Variants in SYNC observed in about 807,000 individuals in gnomAD.
SYNC encodes the protein syncoilin, intermediate filament protein.
Under a neutral mutation model 49.5 loss-of-function variants are expected in SYNC, and 38 were observed. The ratio of observed to expected loss-of-function variants is 0.77; its 90% CI spans 0.59 to 1.01. The LOEUF is 1.01. Among genes scored for constraint, SYNC ranks in the 50% least tolerant of loss-of-function variants. The pLI is 0.00. For synonymous variants in SYNC, 201 were observed against 230.8 expected (o/e 0.87, Z 1.17); for missense variants, 579 against 580.6 (o/e 1.00, Z 0.03).
At position 32,695,936 on chromosome 1, in the gene SYNC, GT is replaced by G; in HGVS notation, c.161del (p.Asn54ThrfsTer114). On this transcript the variant is annotated frameshift_variant, in exon 2 of 5. Coordinates refer to ENST00000409190, the MANE Select transcript of SYNC (RefSeq NM_030786.3). LOFTEE classifies it high-confidence loss of function. Reference protein sequence around the residue: ...EVTLSSEGSLNLEDILYLEDT... With the variant: ...EVTLSSEGSLXLEDILYLEDT... Reference sequence around the variant, plus strand: ...CCTCCAGGTAGAGAATGTCTTCGAGGTTTAAGGACCCCTCTGAAGATAGAGT... The same window carrying G: ...CCTCCAGGTAGAGAATGTCTTCGAGGTTAAGGACCCCTCTGAAGATAGAGT... The G allele has an allele frequency of 6.4e-7, 1 of 1,550,564 alleles. No homozygotes were observed.
intron 2 of SYNC, 188 bp from the exon 3 acceptor site, chr1:32,684,570 T>C: frequency 1.2e-6 from 1 of 806,902 alleles, no homozygotes. Context: ...TGACAATGCT[T>C]TTGAAAATGA....
chr1:32,690,905 G>A (rs115808259), intron 2 of SYNC, among the ~76,000 whole-genome samples: 5,828 of 151,828 alleles, frequency 0.038, 226 homozygotes, highest in East Asian at 0.12. Context: ...TGGGCAATAC[G>A]GTGAAACCCC....
intron 2 of SYNC, chr1:32,685,110 A>G (rs1300631125): frequency 2.0e-5 from 3 of 152,212 alleles, no homozygotes; most frequent in Non-Finnish European, 4.4e-5. Context: ...TCGGTCTCCC[A>G]AAGTGCTGGG....
At chr1:32,694,364 A>G (rs568555811) in intron 2 of SYNC, among the ~76,000 whole-genome samples, 187 of 149,156 alleles carry the variant, frequency 1.3e-3, no homozygotes, top group Non-Finnish European at 2.1e-3. Flanking sequence ...CAAAAAAAAC[A>G]GAGTGCAGGC....
At position 32,695,114 on chromosome 1, in the gene SYNC, A is replaced by C. The variant is rs748106371; in HGVS notation, c.984T>G (p.Phe328Leu). The change falls in exon 2 of 5, where the codon TTT becomes TTG. Residue 328 changes from phenylalanine (F) to leucine (L), a missense_variant. By Grantham distance (22) the Phe-to-Leu change is conservative. Coordinates refer to ENST00000409190, the MANE Select transcript of SYNC (RefSeq NM_030786.3). Reference protein sequence around the residue: ...LQESRRLSAQFENLMAESRQD... With the variant: ...LQESRRLSAQLENLMAESRQD... ...GGCGGCTCTCTGCCATGAGATTTTC[A>C]AACTGGGCAGAGAGTCGCCGGCTTT... is the stretch of plus-strand genomic sequence containing the variant. The C allele has an allele frequency of 4.3e-6, 7 of 1,612,452 alleles. No homozygotes were observed. Among genetic ancestry groups the C allele is most frequent in the South Asian group, 3.3e-5 (3 of 91,032 alleles).
In SYNC at chr1:32,689,069, G is replaced by C. The variant is rs569345792; in HGVS notation, c.1234-4687C>G. ...TTCTCCTGCCTCATCCTCCCGAGAA[G>C]CTGGGAACACAGGCACATGCCACCA... On this transcript the variant is annotated intron_variant, in intron 2 of 4. Transcript: ENST00000409190. 7.3e-5 allele frequency among the ~76,000 whole-genome samples: 11 copies of C among 151,502 alleles called. No homozygotes were observed. In the South Asian group the frequency reaches 2.3e-3, roughly 32 times the overall value.
At chr1:32,701,194 C>T (rs1025361564) in intron 1 of SYNC, among the ~76,000 whole-genome samples, 2 of 152,138 alleles carry the variant, frequency 1.3e-5, no homozygotes, top group African/African-American at 2.4e-5. Context: ...GGATTACAGG[C>T]GTGAGCCACC....
chr1:32,687,861 A>ATTATTTTTTTTTTTTTTTT (rs1280120903), intron 2 of SYNC, among the ~76,000 whole-genome samples: 2 of 146,440 alleles, frequency 1.4e-5, no homozygotes, highest in African/African-American at 5.1e-5. Flanking sequence ...TATTATTATT[A>ATTATTTTTTTTTTTTTTTT]TTTTTTGAGA....
chr1:32,683,441 T>C (rs978108317), intron 4 of SYNC: 2 of 152,070 alleles, frequency 1.3e-5, no homozygotes, highest in African/African-American at 2.4e-5. Context: ...AGCAGGTGGG[T>C]AGGGTAGGAT....
In SYNC at chr1:32,681,571, G is replaced by A; in HGVS notation, c.*279C>T. On this transcript the variant is annotated 3_prime_UTR_variant, in exon 5 of 5. Transcript: ENST00000409190. ...CAGTGCATATGTGAGGGTTGTTGCT[G>A]GAAGACAGGAGGCTCATCTTTCCTT... is the stretch of plus-strand genomic sequence containing the variant. 1 of 557,728 alleles carries A rather than the reference G, an allele frequency of 1.8e-6. No homozygotes were observed. The highest frequency in any genetic ancestry group is 2.2e-5 in the South Asian group (1 of 44,968). The allele number at this position is 557,728 out of a possible 1,614,324, so 34.5% of individuals were successfully genotyped here.
At chr1:32,694,837 C>T (rs758473823) in intron 2 of SYNC, 28 bp downstream of exon 2, 2 of 1,526,938 alleles carry the variant, frequency 1.3e-6, no homozygotes, top group Non-Finnish European at 1.8e-6. Flanking sequence ...TAAAAGACCT[C>T]AGTTCTTTTC....
chr1:32,689,269 TGA>T (rs1177588553), intron 2 of SYNC, among the ~76,000 whole-genome samples: 2 of 131,950 alleles, frequency 1.5e-5, no homozygotes, highest in Non-Finnish European at 3.1e-5. Context: ...TTTTTTGAGG[TGA>T]GTCACTGTCA....
At position 32,681,217 on chromosome 1, in the gene SYNC, T is replaced by C. The variant is rs1316670808; in HGVS notation, c.*633A>G. 1.3e-5 allele frequency: 2 copies of C among 152,386 alleles called. No individual in the cohort carries two copies. Among genetic ancestry groups the C allele is most frequent in the African/African-American group, 4.8e-5 (2 of 41,458 alleles). 9.4% of individuals were successfully genotyped at this position (152,386 alleles called of 1,614,324 possible). A position where few individuals can be genotyped will look rare whatever the true frequency, so the allele number is the denominator to read the frequency against. On this transcript the variant is annotated 3_prime_UTR_variant, in exon 5 of 5. Coordinates refer to ENST00000409190, the MANE Select transcript of SYNC (RefSeq NM_030786.3). The stretch of plus-strand genomic sequence containing the variant: ...GGTAAGATCTTTGGGAAAATCTGAA[T>C]AGCGTTAACCATTAGATTCAAATCT...
chr1:32,686,471 C>T (rs1649837717), intron 2 of SYNC, among the ~76,000 whole-genome samples: 1 of 152,130 alleles, frequency 6.6e-6, no homozygotes, highest in Non-Finnish European at 1.5e-5. Flanking sequence ...TTTTAATTTT[C>T]TACATAGGAC....
At chr1:32,692,775 C>G (rs560189064) in intron 2 of SYNC, among the ~76,000 whole-genome samples, 1 of 151,628 alleles carries the variant, frequency 6.6e-6, no homozygotes, top group African/African-American at 2.4e-5. Flanking sequence ...GAGGCTGAGG[C>G]GGGTGGACTG....
At position 32,697,297 on chromosome 1, in the gene SYNC, C is replaced by T. The variant is rs569196687; in HGVS notation, c.54-1253G>A. ...TCTCTACTAAAAATACAAAATTAGCCGGGCGTGGTGGTGCATGCCTGTAAT... is the reference window on the plus strand; with the variant it reads ...TCTCTACTAAAAATACAAAATTAGCTGGGCGTGGTGGTGCATGCCTGTAAT... On this transcript the variant is annotated intron_variant, in intron 1 of 4. Coordinates refer to ENST00000409190, the MANE Select transcript of SYNC (RefSeq NM_030786.3). 1.1e-4 allele frequency among the ~76,000 whole-genome samples: 17 copies of T among 150,620 alleles called. No homozygotes were observed. In the South Asian group the frequency reaches 1.9e-3, roughly 17 times the overall value.
In SYNC at chr1:32,679,931, T is replaced by C. The variant is rs1236685173; in HGVS notation, c.*1919A>G. On this transcript the variant is annotated 3_prime_UTR_variant, in exon 5 of 5. Transcript: ENST00000409190. Reference sequence around the variant, plus strand: ...GTTGAAATTTTCTTCAGGAATTTTCTAGTAACCCAGGTCTAAAGTAGCTAC... The same window carrying C: ...GTTGAAATTTTCTTCAGGAATTTTCCAGTAACCCAGGTCTAAAGTAGCTAC... 2 of 1,298,598 alleles carry C rather than the reference T, an allele frequency of 1.5e-6. No individual in the cohort carries two copies. The highest frequency in any genetic ancestry group is 1.9e-6 in the Non-Finnish European group (2 of 1,026,888). The allele number at this position is 1,298,598 out of a possible 1,614,324, so 80.4% of individuals were successfully genotyped here.
chr1:32,684,530 G>A (rs950530561), intron 2 of SYNC, 148 bp from the exon 3 acceptor site: 2 of 1,165,278 alleles, frequency 1.7e-6, no homozygotes, highest in African/African-American at 3.1e-5. Flanking sequence ...TATGAAACAG[G>A]TTCAAAGAAG....
At chr1:32,687,858 A>ATTTTTTTTTTTTTT (rs1553199396) in intron 2 of SYNC, among the ~76,000 whole-genome samples, 1 of 144,084 alleles carries the variant, frequency 6.9e-6, no homozygotes, top group African/African-American at 2.6e-5. Context: ...TATTATTATT[A>ATTTTTTTTTTTTTT]TTATTTTTTG....
Sources: gnomAD v4.1 joint callset for allele counts (sites outside exome capture counted in the v4.1 genomes callset) on GRCh38, gnomAD v4.1.1 for gene constraint, MANE v1.5 for transcripts, NCBI Gene and HGNC (gene_info 2026-07-23, HGNC 2026-07-21) for gene names.